TEX28: variants seen among roughly 807,000 people sequenced by gnomAD.
The protein encoded by TEX28 is testis expressed 28, also known as testis-specific protein TEX28.
At chrX:154,294,314 A>G (rs1369384464), upstream of TEX28, among the ~76,000 whole-genome samples, 2 of 95,339 alleles carry the variant, frequency 2.1e-5, no homozygotes, top group Admixed American at 1.2e-4. Context: ...TGATCCACCC[A>G]CCTTGGCCTC....
At chrX:154,294,878 G>T (rs1481213496), upstream of TEX28, among the ~76,000 whole-genome samples, 1 of 112,221 alleles carries the variant, frequency 8.9e-6, no homozygotes, top group African/African-American at 3.2e-5. Flanking sequence ...TCAGCCTGTG[G>T]CGCGACCAGG....
chrX:154,295,075 T>C (rs2067209736), upstream of TEX28: 1 of 111,833 alleles, frequency 8.9e-6, no homozygotes, highest in Non-Finnish European at 1.9e-5. Context: ...TGGGGGCTAG[T>C]GCTGGCACCA....
upstream of TEX28, among the ~76,000 whole-genome samples, chrX:154,294,635 C>G (rs1279386728): frequency 9.1e-6 from 1 of 109,472 alleles, no homozygotes; most frequent in Non-Finnish European, 1.9e-5. Context: ...AAACCCGTCT[C>G]TACTAAAAAT....
upstream of TEX28, among the ~76,000 whole-genome samples, chrX:154,294,542 C>A (rs1353216695): frequency 1.0e-5 from 1 of 99,424 alleles, no homozygotes; most frequent in Non-Finnish European, 2.0e-5. Flanking sequence ...TGGCTCACAC[C>A]TGTAATCCCA....
upstream of TEX28, among the ~76,000 whole-genome samples, chrX:154,294,372 T>G (rs2067201734): frequency 8.1e-5 from 8 of 99,097 alleles, no homozygotes; most frequent in South Asian, 3.8e-3. Flanking sequence ...CCCAGCCACT[T>G]TTTTTTTTTT....
chrX:154,294,994 G>C (rs781893501), upstream of TEX28: 3 of 112,044 alleles, frequency 2.7e-5, no homozygotes, highest in African/African-American at 9.7e-5. Context: ...AGCTGGCGCC[G>C]TTGGGAGCCA....
At chrX:154,294,798 G>A (rs1244687233), upstream of TEX28, among the ~76,000 whole-genome samples, 53 of 107,629 alleles carry the variant, frequency 4.9e-4, no homozygotes, top group Middle Eastern at 4.3e-3. Context: ...GCGAGACTCC[G>A]TCTCAAAAAA....
chrX:154,294,853 G>A (rs2067206954), upstream of TEX28, among the ~76,000 whole-genome samples: 3 of 112,011 alleles, frequency 2.7e-5, no homozygotes, highest in Non-Finnish European at 5.6e-5. Context: ...GCAGAACATG[G>A]GAACCCAAGG....
chrX:154,294,631 G>A (rs1371588461), upstream of TEX28, among the ~76,000 whole-genome samples: 1 of 109,213 alleles, frequency 9.2e-6, no homozygotes, highest in Non-Finnish European at 1.9e-5. Flanking sequence ...GTGAAAACCC[G>A]TCTCTACTAA....
upstream of TEX28, among the ~76,000 whole-genome samples, chrX:154,293,226 T>G (rs2067195316): frequency 2.4e-5 from 1 of 41,080 alleles, no homozygotes; most frequent in Non-Finnish European, 3.8e-5. Flanking sequence ...CTGACAAGAG[T>G]GAGATTGTCT....
upstream of TEX28, among the ~76,000 whole-genome samples, chrX:154,294,541 C>T (rs1557163504): frequency 9.6e-6 from 1 of 103,901 alleles, no homozygotes; most frequent in African/African-American, 3.5e-5. Flanking sequence ...GTGGCTCACA[C>T]CTGTAATCCC....
chrX:154,294,571 G>A (rs781945062), upstream of TEX28, among the ~76,000 whole-genome samples: 202 of 94,280 alleles, frequency 2.1e-3, no homozygotes, highest in Admixed American at 3.4e-3. Context: ...GGAGGCCGAG[G>A]TGGGCAGATC....
chrX:154,294,305 G>C (rs1387367516), upstream of TEX28, among the ~76,000 whole-genome samples: 1 of 107,583 alleles, frequency 9.3e-6, no homozygotes, highest in African/African-American at 3.4e-5. Context: ...GACCTCAGGT[G>C]ATCCACCCAC....
chrX:154,293,285 A>G (rs1353353672), upstream of TEX28, among the ~76,000 whole-genome samples: 2 of 75,146 alleles, frequency 2.7e-5, no homozygotes, highest in Non-Finnish European at 4.6e-5. Context: ...ACATATGTAC[A>G]TAACATCCAA....
chrX:154,294,452 C>T (rs1439036657), upstream of TEX28, among the ~76,000 whole-genome samples: 6 of 108,255 alleles, frequency 5.5e-5, no homozygotes, highest in East Asian at 3.0e-4. Flanking sequence ...CTGCAACCTC[C>T]GCTTCCCGGA....
chrX:154,294,155 C>T (rs1308799733), upstream of TEX28, among the ~76,000 whole-genome samples: 2 of 102,084 alleles, frequency 2.0e-5, no homozygotes, highest in African/African-American at 7.2e-5. Context: ...ACCGCAACCT[C>T]GACCTCCCAG....
chrX:154,294,225 T>C (rs1257424302), upstream of TEX28, among the ~76,000 whole-genome samples: 2 of 108,978 alleles, frequency 1.8e-5, no homozygotes, highest in Non-Finnish European at 3.8e-5. Flanking sequence ...TATGTGCCAC[T>C]ACACCCAGCT....
upstream of TEX28, among the ~76,000 whole-genome samples, chrX:154,294,390 G>A (rs1557163152): frequency 1.7e-3 from 182 of 104,151 alleles, no homozygotes; most frequent in Middle Eastern, 0.015. Flanking sequence ...TTTTTTAGAC[G>A]GAGTCTTGCT....
upstream of TEX28, among the ~76,000 whole-genome samples, chrX:154,294,337 G>A (rs2067201405): frequency 9.7e-6 from 1 of 102,582 alleles, no homozygotes; most frequent in Non-Finnish European, 2.0e-5. Flanking sequence ...AAAGTGCTGG[G>A]ATTACAGGAG....
Sources: gnomAD v4.1 joint callset for allele counts (sites outside exome capture counted in the v4.1 genomes callset) on GRCh38, gnomAD v4.1.1 for gene constraint, MANE v1.5 for transcripts, NCBI Gene and HGNC (gene_info 2026-07-23, HGNC 2026-07-21) for gene names.